Variants in SECISBP2L observed in about 807,000 individuals in gnomAD.
The protein encoded by SECISBP2L is selenocysteine insertion sequence-binding protein 2-like.
Under a neutral mutation model 114.7 loss-of-function variants are expected in SECISBP2L, and 43 were observed. The observed-to-expected ratio is 0.38, with a 90% CI of 0.29 to 0.48. SECISBP2L has a LOEUF of 0.48. SECISBP2L is among the 20% of genes least tolerant of loss of function. SECISBP2L has a pLI of 0.98. For synonymous variants in SECISBP2L, 451 were observed against 439.7 expected (o/e 1.03, Z -0.32); for missense variants, 1,136 against 1,301.1 (o/e 0.87, Z 1.95).
At chr15:49,035,269 A>G in intron 3 of SECISBP2L, 65 bp downstream of exon 3, 1 of 1,427,900 alleles carries the variant, frequency 7.0e-7, no homozygotes, top group Admixed American at 2.1e-5. Context: ...CAACCCAAGT[A>G]GCAAATTGCT....
chr15:49,028,512 G>T lies in SECISBP2L; in HGVS notation c.835C>A (p.His279Asn), dbSNP rs1167412635. The change falls in exon 5 of 18, where the codon CAC (histidine) becomes AAC (asparagine). Residue 279 changes from histidine to asparagine, a missense_variant. His to Asn is a moderately conservative substitution (Grantham distance 68). Coordinates refer to ENST00000559471, the MANE Select transcript of SECISBP2L (RefSeq NM_001193489.2). ...CCTGCTGCAGGCTGGTTGTTGCTGT[G>T]TTTGGGACTGCAGTAACCACTATCA... is the stretch of plus-strand genomic sequence containing the variant. ...DSDSGYCSPKHSNNQPAAGAL... is the reference protein window; with the variant it reads ...DSDSGYCSPKNSNNQPAAGAL... The T allele has an allele frequency of 1.2e-6, 2 of 1,614,002 alleles. No individual in the cohort carries two copies. Among genetic ancestry groups the T allele is most frequent in the Admixed American group, 1.7e-5 (1 of 60,004 alleles).
intron 4 of SECISBP2L, among the ~76,000 whole-genome samples, 162 bp from the exon 5 acceptor site, chr15:49,028,844 G>C (rs991943513): frequency 2.0e-5 from 3 of 152,142 alleles, no homozygotes; most frequent in African/African-American, 7.2e-5. Flanking sequence ...GATGTTCCTG[G>C]TAAGTTGGTT....
Position 49,035,460 on chromosome 15 carries a change from A to T in SECISBP2L, c.402T>A (p.Phe134Leu), listed in dbSNP as rs1229619328. ...HPFPTPYSNT[F>L]QAANTVNAIT... is the part of the protein sequence containing the mutation. ...TAGCATTTACAGTATTTGCAGCCTG[A>T]AAGGTGTTGGAGTAAGGTGTAGGAA... Residue 134 changes from phenylalanine to leucine, a missense_variant, in exon 3 of 18, where the codon TTT becomes TTA. Around this residue, in one of 2 missense-constraint regions of SECISBP2L, gnomAD observed 452 missense variants for 452.3 expected, o/e 1.00. Coordinates refer to ENST00000559471, the MANE Select transcript of SECISBP2L (RefSeq NM_001193489.2). The T allele has an allele frequency of 6.2e-7, 1 of 1,614,172 alleles. No individual in the cohort carries two copies. Among genetic ancestry groups the T allele is most frequent in the South Asian group, 1.1e-5 (1 of 91,088 alleles).
chr15:49,025,920 T>C (rs759608703), intron 7 of SECISBP2L, among the ~76,000 whole-genome samples: 9 of 152,218 alleles, frequency 5.9e-5, no homozygotes, highest in Non-Finnish European at 1.2e-4. Flanking sequence ...AAGAGATATC[T>C]GCCTCTCTTC....
At chr15:48,998,304 T>C (rs1317500990) in intron 16 of SECISBP2L, among the ~76,000 whole-genome samples, 1 of 152,214 alleles carries the variant, frequency 6.6e-6, no homozygotes. Context: ...GCTAATTGTA[T>C]TGATTTTTGA....
intron 9 of SECISBP2L, 166 bp from the exon 10 acceptor site, chr15:49,017,181 G>C (rs942777464): frequency 3.4e-5 from 23 of 674,298 alleles, no homozygotes; most frequent in Non-Finnish European, 4.5e-5. Context: ...TTCAGACTGG[G>C]AAATAATAAA....
chr15:49,012,030 G>C (rs142551780), intron 12 of SECISBP2L, among the ~76,000 whole-genome samples, 167 bp from the exon 13 acceptor site: 2 of 152,014 alleles, frequency 1.3e-5, no homozygotes. Context: ...GTAAGTTGAA[G>C]GAAGTACTGC....
intron 2 of SECISBP2L, among the ~76,000 whole-genome samples, chr15:49,036,906 C>G (rs978292846): frequency 6.6e-6 from 1 of 152,182 alleles, no homozygotes; most frequent in Non-Finnish European, 1.5e-5. Flanking sequence ...CATCCATTTA[C>G]AGTCCTAGAA....
At chr15:49,005,716 T>C (rs1902308662) in intron 14 of SECISBP2L, among the ~76,000 whole-genome samples, 1 of 151,956 alleles carries the variant, frequency 6.6e-6, no homozygotes, top group African/African-American at 2.4e-5. Context: ...AATTTGACAG[T>C]CTGTGTCTTT....
chr15:49,011,702 G>A (rs1902439326), intron 13 of SECISBP2L, 29 bp downstream of exon 13: 2 of 1,611,960 alleles, frequency 1.2e-6, no homozygotes, highest in African/African-American at 2.7e-5. Context: ...ACCATTCCAT[G>A]AGAAGAGGAG....
intron 14 of SECISBP2L, 27 bp from the exon 15 acceptor site, chr15:49,001,124 C>G: frequency 2.0e-6 from 3 of 1,488,120 alleles, no homozygotes; most frequent in Non-Finnish European, 2.7e-6. Context: ...AAATGGGTAA[C>G]TCCATCCTAA....
chr15:49,044,249 A>G (rs556163174), intron 1 of SECISBP2L, among the ~76,000 whole-genome samples: 3 of 152,320 alleles, frequency 2.0e-5, no homozygotes, highest in Non-Finnish European at 4.4e-5. Flanking sequence ...ATTCACTTCA[A>G]TAGTAGAAAT....
chr15:48,993,296 A>C (rs1902027721), intron 17 of SECISBP2L, among the ~76,000 whole-genome samples: 1 of 152,074 alleles, frequency 6.6e-6, no homozygotes, highest in Non-Finnish European at 1.5e-5. Flanking sequence ...CCTAATTTAA[A>C]TGTTATAAAG....
intron 4 of SECISBP2L, among the ~76,000 whole-genome samples, chr15:49,031,303 C>T (rs993902002): frequency 6.6e-6 from 1 of 152,048 alleles, no homozygotes; most frequent in African/African-American, 2.4e-5. Context: ...TCTGCCTCGG[C>T]CTCCCAAAAT....
chr15:49,009,297 T>C lies in SECISBP2L; in HGVS notation c.1946A>G (p.Gln649Arg), dbSNP rs781286103. The part of the protein sequence containing the change: ...NSPYCMTPVS[Q>R]GSPASSGIGS... The stretch of plus-strand genomic sequence containing the variant: ...TATTCCAGAACTAGCAGGAGAGCCT[T>C]GTGACACAGGTGTCATACAGTATGG... Residue 649 changes from glutamine (Q) to arginine (R), a missense_variant, in exon 14 of 18, where the codon CAA becomes CGA. Gln to Arg is a conservative substitution (Grantham distance 43). Around this residue, in one of 2 missense-constraint regions of SECISBP2L, gnomAD observed 684 missense variants for 848.7 expected, o/e 0.81. Coordinates refer to ENST00000559471, the MANE Select transcript of SECISBP2L (RefSeq NM_001193489.2). 5 of 1,614,154 alleles carry C rather than the reference T, an allele frequency of 3.1e-6. No homozygotes were observed. The highest frequency in any genetic ancestry group is 4.2e-6 in the Non-Finnish European group (5 of 1,180,016).
chr15:49,046,415 G>T lies in SECISBP2L; in HGVS notation c.-116C>A, dbSNP rs959717861. On this transcript the variant is annotated 5_prime_UTR_variant, in exon 1 of 18. Coordinates refer to ENST00000559471, the MANE Select transcript of SECISBP2L (RefSeq NM_001193489.2). Reference sequence around the variant, plus strand: ...GGTTCCGGACCTCCGCCCCTATCTGGCTGGCCGCGACACCGATTCGGCTAC... The same window carrying T: ...GGTTCCGGACCTCCGCCCCTATCTGTCTGGCCGCGACACCGATTCGGCTAC... 4.3e-6 allele frequency: 5 copies of T among 1,165,454 alleles called. No homozygotes were observed. The East Asian group carries it at 1.3e-4, about 30-fold the overall frequency. 72.2% of individuals were successfully genotyped at this position (1,165,454 alleles called of 1,614,324 possible).
In SECISBP2L at chr15:49,033,050, A is replaced by G. The variant is rs1198972984; in HGVS notation, c.579T>C (p.Asn193=). Residue 193 remains asparagine, a synonymous_variant, in exon 4 of 18, where the codon AAT becomes AAC. Coordinates refer to ENST00000559471, the MANE Select transcript of SECISBP2L (RefSeq NM_001193489.2). ...HIKSKRPLVK[N]VATQKETNAA... ...CATTTGTTTCTTTCTGAGTAGCTACATTTTTCACCAGCGGCCTTTTGCTTT... is the reference window on the plus strand; with the variant it reads ...CATTTGTTTCTTTCTGAGTAGCTACGTTTTTCACCAGCGGCCTTTTGCTTT... 6.2e-7 allele frequency: 1 copy of G among 1,613,770 alleles called. No individual in the cohort carries two copies. Among genetic ancestry groups the G allele is most frequent in the Admixed American group, 1.7e-5 (1 of 59,956 alleles).
chr15:49,044,179 G>A (rs1903196462), intron 1 of SECISBP2L, among the ~76,000 whole-genome samples: 1 of 152,112 alleles, frequency 6.6e-6, no homozygotes, highest in Non-Finnish European at 1.5e-5. Context: ...AACATTCTGT[G>A]AGGAAAAATG....
chr15:49,005,974 C>T (rs1314217020), intron 14 of SECISBP2L, among the ~76,000 whole-genome samples: 1 of 152,032 alleles, frequency 6.6e-6, no homozygotes, highest in Non-Finnish European at 1.5e-5. Context: ...TCAGCATTTA[C>T]TTGTCTGTAT....
Sources: gnomAD v4.1 joint callset for allele counts (sites outside exome capture counted in the v4.1 genomes callset) on GRCh38, gnomAD v4.1.1 for gene constraint, gnomAD v4.1.1 regional missense constraint, MANE v1.5 for transcripts, NCBI Gene and HGNC (gene_info 2026-07-23, HGNC 2026-07-21) for gene names.